The following CSMD1 variants were observed in gnomAD, a reference collection of about 807,000 sequenced individuals.
CSMD1 encodes CUB and sushi domain-containing protein 1.
CSMD1 carries 213 observed loss-of-function variants against 417.5 expected under a neutral mutation model. The observed-to-expected ratio is 0.51, with a 90% CI of 0.46 to 0.57. CSMD1 has a LOEUF of 0.57. Among genes scored for constraint, CSMD1 ranks in the 20% least tolerant of loss-of-function variants. The pLI is 0.00. For synonymous variants in CSMD1, 2,862 were observed against 1,736.8 expected (o/e 1.65, Z -16.11); for missense variants, 6,923 against 4,529.7 (o/e 1.53, Z -15.17).
At chr8:3,413,441 C>A (rs1255026840) in intron 12 of CSMD1, among the ~76,000 whole-genome samples, 1 of 152,124 alleles carries the variant, frequency 6.6e-6, no homozygotes. Flanking sequence ...TACGGCTGGC[C>A]GTGGACAGAA....
At chr8:4,512,900 T>C (rs1317369023) in intron 2 of CSMD1, among the ~76,000 whole-genome samples, 3 of 152,032 alleles carry the variant, frequency 2.0e-5, no homozygotes, top group Non-Finnish European at 4.4e-5. Flanking sequence ...AGAAGTTAAT[T>C]TGAAAAAGCT....
intron 5 of CSMD1, among the ~76,000 whole-genome samples, chr8:3,792,555 T>C (rs1799810430): frequency 6.6e-6 from 1 of 152,200 alleles, no homozygotes; most frequent in African/African-American, 2.4e-5. Flanking sequence ...ACTAGTAACT[T>C]TGGAATTGAC....
chr8:4,198,320 C>A (rs996165219), intron 3 of CSMD1, among the ~76,000 whole-genome samples: 1 of 152,240 alleles, frequency 6.6e-6, no homozygotes, highest in South Asian at 2.1e-4. Context: ...GCAAGCCCGA[C>A]AAGAGTACGT....
At chr8:3,802,450 T>A (rs79474792) in intron 5 of CSMD1, among the ~76,000 whole-genome samples, 4,804 of 152,246 alleles carry the variant, frequency 0.032, 180 homozygotes, top group African/African-American at 0.086. Context: ...TCTTATTAAA[T>A]TTGTCAGCCT....
intron 2 of CSMD1, among the ~76,000 whole-genome samples, chr8:4,503,393 T>C (rs181949413): frequency 6.6e-6 from 1 of 152,200 alleles, no homozygotes; most frequent in Non-Finnish European, 1.5e-5. Context: ...CTGTTTTGAA[T>C]GTATCAGCTA....
At chr8:3,262,874 T>C (rs1457472741) in intron 26 of CSMD1, among the ~76,000 whole-genome samples, 2 of 152,180 alleles carry the variant, frequency 1.3e-5, no homozygotes, top group Admixed American at 1.3e-4. Flanking sequence ...TAAATTACTT[T>C]TATTTTGTAC....
rs1818565729 is a variant in CSMD1 at position 3,142,525 on chromosome 8, G to C, written c.6181C>G (p.Leu2061Val). The C allele has an allele frequency of 6.2e-7, 1 of 1,613,984 alleles. No homozygotes were observed. The highest frequency in any genetic ancestry group is 1.1e-5 in the South Asian group (1 of 91,084). The change falls in exon 41 of 70, where the codon CTC becomes GTC. Residue 2061 changes from leucine (L) to valine (V), a missense_variant. Coordinates refer to ENST00000635120, the MANE Select transcript of CSMD1 (RefSeq NM_033225.6). ...AALLSTTHET[L>V]IHFYSDHSQN... ...GAATGGTCACTATAAAAGTGGATGAGGGTTTCATGCGTTGTGCTCAGCAGG... is the reference window on the plus strand; with the variant it reads ...GAATGGTCACTATAAAAGTGGATGACGGTTTCATGCGTTGTGCTCAGCAGG...
intron 3 of CSMD1, among the ~76,000 whole-genome samples, chr8:4,136,699 A>C (rs1323903798): frequency 6.6e-6 from 1 of 152,188 alleles, no homozygotes; most frequent in African/African-American, 2.4e-5. Flanking sequence ...TTCAGAGACT[A>C]CGTAACATCT....
intron 52 of CSMD1, among the ~76,000 whole-genome samples, chr8:3,002,496 T>C (rs1229163382): frequency 6.6e-6 from 1 of 152,130 alleles, no homozygotes; most frequent in African/African-American, 2.4e-5. Flanking sequence ...GCAATTCCTT[T>C]TGGAATTACT....
intron 1 of CSMD1, among the ~76,000 whole-genome samples, chr8:4,724,954 A>T (rs1056032997): frequency 6.6e-6 from 1 of 152,138 alleles, no homozygotes. Context: ...TGTATAAATG[A>T]TTCGAGTTTA....
intron 1 of CSMD1, among the ~76,000 whole-genome samples, chr8:4,719,145 T>C (rs12550834): frequency 0.49 from 74,188 of 152,082 alleles, 21,103 homozygotes; most frequent in East Asian, 0.78. Flanking sequence ...AAGACAATGA[T>C]GGCCTGGAGA....
intron 14 of CSMD1, among the ~76,000 whole-genome samples, chr8:3,407,565 G>T (rs996009932): frequency 1.3e-5 from 2 of 151,768 alleles, no homozygotes; most frequent in Non-Finnish European, 2.9e-5. Flanking sequence ...ATGGAATAAT[G>T]GTTTGGTGGG....
At chr8:4,918,326 C>T (rs1277296112) in intron 1 of CSMD1, among the ~76,000 whole-genome samples, 2 of 152,164 alleles carry the variant, frequency 1.3e-5, no homozygotes, top group South Asian at 2.1e-4. Flanking sequence ...AGTGTATTGC[C>T]TTCTCTCTCT....
At chr8:4,746,112 C>T (rs1673263) in intron 1 of CSMD1, among the ~76,000 whole-genome samples, 27,690 of 152,144 alleles carry the variant, frequency 0.18, 3,328 homozygotes, top group African/African-American at 0.35. Flanking sequence ...TTGTGCTCCT[C>T]CTGCTGTTAA....
At chr8:3,620,443 A>G (rs1191037961) in intron 7 of CSMD1, among the ~76,000 whole-genome samples, 3 of 152,208 alleles carry the variant, frequency 2.0e-5, no homozygotes, top group Non-Finnish European at 4.4e-5. Context: ...GTATTTAAAG[A>G]TAAATGCATA....
rs184253002 is a variant in CSMD1 at position 4,965,466 on chromosome 8, G to A, written c.85+28866C>T. On this transcript the variant is annotated intron_variant, in intron 1 of 69. Coordinates refer to ENST00000635120, the MANE Select transcript of CSMD1 (RefSeq NM_033225.6). Reference sequence around the variant, plus strand: ...TTGTCTCAGTGATAATGCAGGACATGTGGATTCAGAAGGATCAGAAGGATG... The same window carrying A: ...TTGTCTCAGTGATAATGCAGGACATATGGATTCAGAAGGATCAGAAGGATG... 7.9e-5 allele frequency among the ~76,000 whole-genome samples: 12 copies of A among 152,320 alleles called. No homozygotes were observed. The East Asian group carries it at 1.9e-3, about 25-fold the overall frequency.
At chr8:4,430,879 C>A (rs1288701332) in intron 2 of CSMD1, among the ~76,000 whole-genome samples, 2 of 152,158 alleles carry the variant, frequency 1.3e-5, no homozygotes, top group Non-Finnish European at 2.9e-5. Context: ...TCTGTGTGAT[C>A]AGCACCAGCT....
intron 3 of CSMD1, among the ~76,000 whole-genome samples, chr8:4,188,288 T>C (rs1798803279): frequency 6.6e-6 from 1 of 152,146 alleles, no homozygotes; most frequent in African/African-American, 2.4e-5. Flanking sequence ...CGTCGGTCAA[T>C]GTCCCCCGGT....
intron 23 of CSMD1, among the ~76,000 whole-genome samples, chr8:3,333,819 C>T (rs955733947): frequency 6.6e-6 from 1 of 152,206 alleles, no homozygotes; most frequent in Non-Finnish European, 1.5e-5. Context: ...GCAGTGAATG[C>T]TATTCTTTGA....
Sources: allele counts gnomAD v4.1 joint callset (sites outside exome capture counted in the v4.1 genomes callset), GRCh38; gene constraint gnomAD v4.1.1; transcripts MANE v1.5; gene names NCBI Gene and HGNC (gene_info 2026-07-23, HGNC 2026-07-21).